SLC39A14: variants seen among roughly 807,000 people sequenced by gnomAD.
SLC39A14 encodes the protein solute carrier family 39 member 14, also known as metal cation symporter ZIP14.
Under a neutral mutation model 45.5 loss-of-function variants are expected in SLC39A14, and 19 were observed. The ratio of observed to expected loss-of-function variants is 0.42; its 90% confidence interval spans 0.29 to 0.61. The LOEUF (loss-of-function observed/expected upper bound fraction) is 0.61, where lower values mean the gene tolerates loss of function less well. Among genes scored for constraint, SLC39A14 ranks in the 20% least tolerant of loss-of-function variants. The pLI is 0.22. For missense variants in SLC39A14, 447 were observed against 616.5 expected, an observed-to-expected ratio of 0.73 and a Z score of 2.91; for synonymous variants, 264 against 251.3, an observed-to-expected ratio of 1.05 and a Z score of -0.48.
chr8:22,426,683 GCT>G (rs1156824476), downstream of SLC39A14, among the ~76,000 whole-genome samples: 5 of 151,896 alleles, frequency 3.3e-5, no homozygotes, highest in Admixed American at 2.0e-4. Flanking sequence ...TAAATGATAT[GCT>G]CTCTCTCTTT....
In SLC39A14 at chr8:22,420,773, A is replaced by AGG. The variant is rs1836180575; in HGVS notation, c.*1079_*1080dup. On this transcript the variant is annotated 3_prime_UTR_variant, in exon 9 of 9. Coordinates refer to ENST00000381237, the MANE Select transcript of SLC39A14 (RefSeq NM_001128431.4). Reference sequence around the variant, plus strand: ...TTCCATAAATCAAAGCATGACTAATAGGGGGTCTCTGAAATGTAAGGGCAC... The same window carrying AGG: ...TTCCATAAATCAAAGCATGACTAATAGGGGGGGTCTCTGAAATGTAAGGGCAC... 1.0e-6 allele frequency: 1 copy of AGG among 984,988 alleles called. No homozygotes were observed. The allele number at this position is 984,988 out of a possible 1,614,324, so 61.0% of individuals were successfully genotyped here.
At chr8:22,371,515 C>A (rs1440067713) in intron 1 of SLC39A14, among the ~76,000 whole-genome samples, 2 of 144,398 alleles carry the variant, frequency 1.4e-5, no homozygotes, top group African/African-American at 5.0e-5. Context: ...CTCACTGCAA[C>A]CTCTGCCTCC....
intron 1 of SLC39A14, among the ~76,000 whole-genome samples, chr8:22,375,263 C>T (rs1446876415): frequency 1.7e-5 from 2 of 121,006 alleles, no homozygotes; most frequent in Non-Finnish European, 3.8e-5. Context: ...GTATTTTTGT[C>T]GACTTTATTT....
chr8:22,422,906 C>T (rs184201621), downstream of SLC39A14, among the ~76,000 whole-genome samples: 2 of 152,252 alleles, frequency 1.3e-5, no homozygotes, highest in African/African-American at 2.4e-5. Flanking sequence ...TCACTGCAAC[C>T]TCCACCTCCT....
At position 22,421,787 on chromosome 8, in the gene SLC39A14, G is replaced by C; in HGVS notation, c.*2089G>C. On this transcript the variant is annotated 3_prime_UTR_variant, in exon 9 of 9. Coordinates refer to ENST00000381237, the MANE Select transcript of SLC39A14 (RefSeq NM_001128431.4). The stretch of plus-strand genomic sequence containing the variant: ...TGTCTTGGAGTAGAATACTAAGTTA[G>C]AGTTAGTGGATTTCTAGTTTAGGAG... 2.0e-6 allele frequency: 2 copies of C among 983,196 alleles called. No homozygotes were observed. Among genetic ancestry groups the C allele is most frequent in the Non-Finnish European group, 1.2e-6 (1 of 827,922 alleles). 60.9% of individuals were successfully genotyped at this position (983,196 alleles called of 1,614,324 possible).
chr8:22,407,132 T>C (rs565926492), intron 2 of SLC39A14, among the ~76,000 whole-genome samples: 1 of 152,306 alleles, frequency 6.6e-6, no homozygotes, highest in Non-Finnish European at 1.5e-5. Context: ...CCCTAACCTC[T>C]GTGAACACAT....
intron 1 of SLC39A14, among the ~76,000 whole-genome samples, chr8:22,393,817 C>T (rs1408100924): frequency 6.6e-6 from 1 of 152,046 alleles, no homozygotes; most frequent in Non-Finnish European, 1.5e-5. Flanking sequence ...GGACTACAGG[C>T]ATTCATCACC....
chr8:22,424,907 T>TA (rs1453204302), downstream of SLC39A14, among the ~76,000 whole-genome samples: 2 of 151,434 alleles, frequency 1.3e-5, no homozygotes, highest in Non-Finnish European at 2.9e-5. Context: ...TGTGCCTCTG[T>TA]AATCCCAGTT....
At chr8:22,412,779 A>G (rs906313927) in intron 4 of SLC39A14, among the ~76,000 whole-genome samples, 1 of 152,144 alleles carries the variant, frequency 6.6e-6, no homozygotes, top group Admixed American at 6.5e-5. Flanking sequence ...CCCCGTCTAT[A>G]CTAAAAACAC....
chr8:22,407,096 CTT>C (rs1835267760), intron 2 of SLC39A14, among the ~76,000 whole-genome samples: 1 of 152,222 alleles, frequency 6.6e-6, no homozygotes, highest in African/African-American at 2.4e-5. Flanking sequence ...CCATGGCCCA[CTT>C]CCCTGAATCT....
intron 5 of SLC39A14, 34 bp from the exon 6 acceptor site, chr8:22,415,735 A>G: frequency 1.3e-6 from 2 of 1,597,322 alleles, no homozygotes; most frequent in Non-Finnish European, 1.7e-6. Flanking sequence ...GTTTTGGTGA[A>G]TGTCATGCTG....
chr8:22,380,049 A>G (rs1006102492), intron 1 of SLC39A14, among the ~76,000 whole-genome samples: 28 of 152,216 alleles, frequency 1.8e-4, no homozygotes, highest in Non-Finnish European at 2.9e-5. Context: ...TGTATTCAAT[A>G]CTATAAGTAA....
chr8:22,428,935 AACTT>A (rs779007905), intron 8 of SLC39A14, among the ~76,000 whole-genome samples: 12 of 152,130 alleles, frequency 7.9e-5, no homozygotes, highest in African/African-American at 2.7e-4. Flanking sequence ...AACCAATGCA[AACTT>A]ACTTCCCCAG....
intron 3 of SLC39A14, 43 bp downstream of exon 3, chr8:22,408,539 C>G (rs1185775197): frequency 1.3e-6 from 2 of 1,567,092 alleles, no homozygotes; most frequent in African/African-American, 2.7e-5. Flanking sequence ...CCCATCTCGC[C>G]CGCGTCTCAC....
intron 1 of SLC39A14, chr8:22,393,098 G>A: frequency 7.0e-6 from 3 of 429,092 alleles, no homozygotes; most frequent in Non-Finnish European, 9.3e-6. Context: ...TTCACAAGGA[G>A]AGTGAGTGGG....
chr8:22,387,978 C>A (rs1047092051), intron 1 of SLC39A14, among the ~76,000 whole-genome samples: 10 of 152,138 alleles, frequency 6.6e-5, no homozygotes, highest in Non-Finnish European at 1.2e-4. Context: ...CATGCCTGTT[C>A]ATGTCTGGAG....
rs767145606 is a variant in SLC39A14 at position 22,417,670 on chromosome 8, C to T, written c.1167C>T (p.Leu389=). 7 of 1,613,838 alleles carry T rather than the reference C, an allele frequency of 4.3e-6. No individual in the cohort carries two copies. The highest frequency in any genetic ancestry group is 3.3e-5 in the South Asian group (3 of 91,036). The change falls in exon 8 of 9, where the codon CTC becomes CTT. Residue 389 remains leucine, a synonymous_variant. Coordinates refer to ENST00000381237, the MANE Select transcript of SLC39A14 (RefSeq NM_001128431.4). ...CTGTAGGAGACTTTGTCATCCTGCT[C>T]AACGCTGGGATGAGCATCCAACAAG... is the stretch of plus-strand genomic sequence containing the variant. ...PHELGDFVIL[L]NAGMSIQQAL...
rs1486924493 is a variant in SLC39A14 at position 22,379,907 on chromosome 8, G to A, written c.-16+12499G>A. 7.2e-5 allele frequency among the ~76,000 whole-genome samples: 9 copies of A among 125,168 alleles called. No individual in the cohort carries two copies. In the South Asian group the frequency reaches 1.3e-3, roughly 19 times the overall value. 82.1% of individuals were successfully genotyped at this position (125,168 alleles called of 152,430 possible). On this transcript the variant is annotated intron_variant, in intron 1 of 8. Transcript: ENST00000381237. ...TTGTGCCACTGCACTCCAGCCTGGC[G>A]ACAGAGTGAGACTCCATCTCAAAAA...
At chr8:22,373,670 A>G (rs1833051242) in intron 1 of SLC39A14, among the ~76,000 whole-genome samples, 2 of 152,142 alleles carry the variant, frequency 1.3e-5, no homozygotes. Context: ...CAGTAATTTC[A>G]GAATTACTGT....
Sources: gnomAD v4.1 joint callset for allele counts (sites outside exome capture counted in the v4.1 genomes callset) on GRCh38, gnomAD v4.1.1 for gene constraint, MANE v1.5 for transcripts, NCBI Gene and HGNC (gene_info 2026-07-23, HGNC 2026-07-21) for gene names.